The following CDH1 variants were observed in gnomAD, a reference collection of about 807,000 sequenced individuals.
The protein encoded by CDH1 is cadherin 1.
CDH1 carries 35 observed loss-of-function variants against 84.5 expected under a neutral mutation model. The observed-to-expected ratio is 0.41, with a 90% CI of 0.32 to 0.55. CDH1 has a LOEUF of 0.55. Among genes scored for constraint, CDH1 ranks in the 20% least tolerant of loss-of-function variants. The probability of loss-of-function intolerance (pLI) is 0.19; values close to 1 mark genes in which losing one functional copy is unlikely to be tolerated. For synonymous variants in CDH1, 417 were observed against 439.0 expected, an observed-to-expected ratio of 0.95 and a Z score of 0.63; for missense variants, 994 against 1,126.6, an observed-to-expected ratio of 0.88 and a Z score of 1.68.
At position 68,801,969 on chromosome 16, in the gene CDH1, C is replaced by A. The variant is rs33932753; in HGVS notation, c.387+76C>A. On this transcript the variant is annotated intron_variant, in intron 3 of 15. Transcript: ENST00000261769. The stretch of plus-strand genomic sequence containing the variant: ...AATCCAGGTTTCTCAGCCTTGGTAC[C>A]GTTGACATTTTGGGCTGGATGATTT... The A allele has an allele frequency of 1.9e-3, 2,305 of 1,234,138 alleles. 30 individuals are homozygous for A. The African/African-American group carries it at 0.03, about 16-fold the overall frequency. The allele number at this position is 1,234,138 out of a possible 1,614,324, so 76.4% of individuals were successfully genotyped here.
intron 3 of CDH1, among the ~76,000 whole-genome samples, chr16:68,806,751 T>G (rs1960673345): frequency 6.6e-6 from 1 of 152,192 alleles, no homozygotes; most frequent in African/African-American, 2.4e-5. Context: ...GGTACTGTCA[T>G]GAGGATTCAA....
intron 2 of CDH1, among the ~76,000 whole-genome samples, chr16:68,798,336 G>A (rs1347642180): frequency 6.6e-6 from 1 of 152,066 alleles, no homozygotes; most frequent in Non-Finnish European, 1.5e-5. Flanking sequence ...CCTCCCACTT[G>A]CTGGGCTCAG....
At chr16:68,750,393 C>T (rs751700560) in intron 2 of CDH1, among the ~76,000 whole-genome samples, 2 of 151,964 alleles carry the variant, frequency 1.3e-5, no homozygotes, top group African/African-American at 4.8e-5. Context: ...ACTCAAGCCG[C>T]TTGGCCAGGC....
At chr16:68,817,564 A>C (rs1182294370) in intron 10 of CDH1, among the ~76,000 whole-genome samples, 1 of 152,160 alleles carries the variant, frequency 6.6e-6, no homozygotes, top group Non-Finnish European at 1.5e-5. Context: ...CCCTTATCCA[A>C]GTGATCAAAG....
chr16:68,752,906 C>T (rs1019671497), intron 2 of CDH1, among the ~76,000 whole-genome samples: 2 of 152,194 alleles, frequency 1.3e-5, no homozygotes, highest in Non-Finnish European at 2.9e-5. Flanking sequence ...GCAAGGCTCT[C>T]AGATACACCC....
chr16:68,811,310 T>C (rs1256143030), intron 6 of CDH1, among the ~76,000 whole-genome samples: 1 of 150,576 alleles, frequency 6.6e-6, no homozygotes, highest in Non-Finnish European at 1.5e-5. Flanking sequence ...AGCAGGAGAA[T>C]TGCTTGAACC....
intron 2 of CDH1, among the ~76,000 whole-genome samples, chr16:68,784,721 G>C (rs1023863325): frequency 2.0e-5 from 3 of 151,626 alleles, no homozygotes; most frequent in Non-Finnish European, 2.9e-5. Context: ...TCATAGCTTA[G>C]CTCCCACTTA....
intron 2 of CDH1, among the ~76,000 whole-genome samples, chr16:68,769,821 GT>G (rs1227383213): frequency 6.6e-6 from 1 of 151,830 alleles, no homozygotes; most frequent in Non-Finnish European, 1.5e-5. Context: ...GGGACTACAG[GT>G]TTATGCCATC....
At chr16:68,829,596 G>A (rs1961421360) in intron 14 of CDH1, 58 bp from the exon 15 acceptor site, 2 of 1,524,558 alleles carry the variant, frequency 1.3e-6, no homozygotes, top group African/African-American at 2.7e-5. Context: ...ACATAGCCCT[G>A]TGTGTATGAC....
At chr16:68,832,837 G>GA (rs892190073) in intron 15 of CDH1, among the ~76,000 whole-genome samples, 1 of 151,532 alleles carries the variant, frequency 6.6e-6, no homozygotes, top group Non-Finnish European at 1.5e-5. Flanking sequence ...AAAAGAAAAA[G>GA]AAAAAAAATA....
rs55899466 is a variant in CDH1 at position 68,762,912 on chromosome 16, C to CAAAAAA, written c.163+24527_163+24532dup. Among the ~76,000 whole-genome samples, 27 of 61,480 alleles carry CAAAAAA rather than the reference C, an allele frequency of 4.4e-4. 1 individual carries two copies. The highest frequency in any genetic ancestry group is 6.2e-4 in the Non-Finnish European group (23 of 37,140). 40.3% of individuals were successfully genotyped at this position (61,480 alleles called of 152,430 possible). On this transcript the variant is annotated intron_variant, in intron 2 of 15. Transcript: ENST00000261769. ...TCGGCAACAGAGCAAGATTCCGTCT[C>CAAAAAA]AAAAAAAAAAAAAAAAAAAAAAAAA...
chr16:68,776,272 C>T (rs562721661), intron 2 of CDH1, among the ~76,000 whole-genome samples: 15 of 152,302 alleles, frequency 9.8e-5, no homozygotes, highest in African/African-American at 3.1e-4. Context: ...CAGGTGTGAG[C>T]CACCGCACCA....
chr16:68,790,972 CAAG>C (rs1453987920), intron 2 of CDH1, among the ~76,000 whole-genome samples: 6 of 152,142 alleles, frequency 3.9e-5, no homozygotes, highest in African/African-American at 1.4e-4. Context: ...GCCTTGTTGT[CAAG>C]AAGGGTATGG....
At chr16:68,798,026 C>T (rs775307295) in intron 2 of CDH1, among the ~76,000 whole-genome samples, 1 of 151,970 alleles carries the variant, frequency 6.6e-6, no homozygotes, top group Non-Finnish European at 1.5e-5. Context: ...TTGCAGTGAG[C>T]CCAGATTGCA....
intron 8 of CDH1, 56 bp downstream of exon 8, chr16:68,812,319 A>G (rs2152132804): frequency 6.3e-7 from 1 of 1,575,128 alleles, no homozygotes; most frequent in South Asian, 1.1e-5. Flanking sequence ...TTGTTCATGA[A>G]CTAAGTGTCA....
rs2152131210 is a variant in CDH1 at position 68,810,339 on chromosome 16, C to T, written c.830C>T (p.Pro277Leu). The change falls in exon 6 of 16, where the codon CCA becomes CTA. Residue 277 changes from proline (P) to leucine (L), a missense_variant and splice_region_variant. Pro to Leu is a moderately conservative substitution (Grantham distance 98). This residue lies in a region of CDH1 where 769 missense variants were observed against 881.8 expected (regional missense o/e 0.87). Coordinates refer to ENST00000261769, the MANE Select transcript of CDH1 (RefSeq NM_004360.5). ...GGGTCTGTCATGGAAGGTGCTCTTC[C>T]AGGTATATCCACTAATGAGAATCTG... ...FKGSVMEGAL[P>L]GTSVMEVTAT... 1 of 1,613,756 alleles carries T rather than the reference C, an allele frequency of 6.2e-7. No individual in the cohort carries two copies. Among genetic ancestry groups the T allele is most frequent in the Non-Finnish European group, 8.5e-7 (1 of 1,179,704 alleles).
chr16:68,768,556 T>C (rs899425276), intron 2 of CDH1, among the ~76,000 whole-genome samples: 10 of 152,130 alleles, frequency 6.6e-5, no homozygotes, highest in African/African-American at 2.4e-4. Flanking sequence ...TTGGAAAATA[T>C]AGATAGCTAA....
At chr16:68,803,095 G>A (rs1960559239) in intron 3 of CDH1, among the ~76,000 whole-genome samples, 1 of 152,112 alleles carries the variant, frequency 6.6e-6, no homozygotes, top group South Asian at 2.1e-4. Flanking sequence ...GGGATATTCT[G>A]GTTGTGTCCT....
chr16:68,763,352 A>G (rs1230346173), intron 2 of CDH1: 2 of 152,324 alleles, frequency 1.3e-5, no homozygotes, highest in Non-Finnish European at 2.9e-5. Context: ...AAGAAGTCCA[A>G]TTTCAGCTGG....
Sources: gnomAD v4.1 joint callset for allele counts (sites outside exome capture counted in the v4.1 genomes callset) on GRCh38, gnomAD v4.1.1 for gene constraint, gnomAD v4.1.1 regional missense constraint, MANE v1.5 for transcripts, NCBI Gene and HGNC (gene_info 2026-07-23, HGNC 2026-07-21) for gene names.